Variants in PTPRC observed in about 807,000 individuals in gnomAD.
PTPRC encodes protein tyrosine phosphatase receptor type C, also known as receptor-type tyrosine-protein phosphatase C.
In PTPRC, 44 loss-of-function variants were observed where a neutral mutation model predicts 155.9. That is an observed-to-expected ratio of 0.28 (90% CI 0.22 to 0.36). The LOEUF (loss-of-function observed/expected upper bound fraction) is 0.36, where lower values mean the gene tolerates loss of function less well. Among genes scored for constraint, PTPRC ranks in the 10% least tolerant of loss-of-function variants. PTPRC has a pLI of 1.00. For synonymous variants in PTPRC, 525 were observed against 533.1 expected (o/e 0.98, Z 0.21); for missense variants, 1,401 against 1,564.6 (o/e 0.90, Z 1.76).
rs1381478727 is a variant in PTPRC at position 198,656,651 on chromosome 1, TTG to T, written c.73+17312_73+17313del. 6.4e-4 allele frequency among the ~76,000 whole-genome samples: 55 copies of T among 85,414 alleles called. No homozygotes were observed. In the South Asian group the frequency reaches 7.0e-3, roughly 11 times the overall value. The allele number at this position is 85,414 out of a possible 152,430, so 56.0% of individuals were successfully genotyped here. On this transcript the variant is annotated intron_variant, in intron 2 of 32. Coordinates refer to ENST00000442510, the MANE Select transcript of PTPRC (RefSeq NM_002838.5). The stretch of plus-strand genomic sequence containing the variant: ...CACAGGGCTACTAGTTTTTTGTTTT[TTG>T]TTTTTTTTTTTTTTGTCATACATTA...
At chr1:198,703,899 C>T (rs547854917) in intron 7 of PTPRC, 1 of 174,310 alleles carries the variant, frequency 5.7e-6, no homozygotes, top group African/African-American at 2.4e-5. Context: ...TCTTAGCTTA[C>T]ACAAAGCACA....
At chr1:198,702,037 T>C (rs1427171535) in intron 5 of PTPRC, among the ~76,000 whole-genome samples, 5 of 152,236 alleles carry the variant, frequency 3.3e-5, no homozygotes, top group Non-Finnish European at 7.3e-5. Flanking sequence ...TCAGCACCAC[T>C]AAGACAGCAC....
chr1:198,674,051 C>A (rs1249192658), intron 2 of PTPRC, among the ~76,000 whole-genome samples: 1 of 152,098 alleles, frequency 6.6e-6, no homozygotes, highest in Non-Finnish European at 1.5e-5. Context: ...AAAAGTTTTC[C>A]AAACAAATTA....
At chr1:198,747,600 A>G (rs1281763698) in intron 26 of PTPRC, among the ~76,000 whole-genome samples, 1 of 151,878 alleles carries the variant, frequency 6.6e-6, no homozygotes, top group Non-Finnish European at 1.5e-5. Flanking sequence ...AAAGAAAACT[A>G]AAAGGATTTG....
intron 17 of PTPRC, among the ~76,000 whole-genome samples, chr1:198,731,346 T>C (rs1016259965): frequency 4.6e-5 from 7 of 152,102 alleles, no homozygotes; most frequent in African/African-American, 1.7e-4. Flanking sequence ...TGGTGATGTT[T>C]GGTCTGGGAT....
chr1:198,705,349 C>T (rs369202104), intron 8 of PTPRC, among the ~76,000 whole-genome samples: 18 of 152,130 alleles, frequency 1.2e-4, no homozygotes, highest in Non-Finnish European at 2.5e-4. Context: ...GAATCATTGC[C>T]TCCTTATGTT....
intron 2 of PTPRC, among the ~76,000 whole-genome samples, chr1:198,642,916 C>CT (rs765314952): frequency 2.8e-5 from 4 of 142,572 alleles, no homozygotes; most frequent in Non-Finnish European, 4.6e-5. Flanking sequence ...TCCTTTCTTT[C>CT]TTTCTTTCTT....
At chr1:198,650,144 T>C (rs1418975924) in intron 2 of PTPRC, among the ~76,000 whole-genome samples, 2 of 151,782 alleles carry the variant, frequency 1.3e-5, no homozygotes, top group African/African-American at 4.8e-5. Flanking sequence ...GAGTAAGAAC[T>C]GAGCAGGTTG....
intron 2 of PTPRC, among the ~76,000 whole-genome samples, chr1:198,655,699 C>T (rs1320119373): frequency 2.0e-5 from 3 of 151,976 alleles, no homozygotes; most frequent in South Asian, 2.1e-4. Context: ...AGTTGGAGAA[C>T]TGAGATGACC....
At chr1:198,730,538 T>C (rs968599119) in intron 17 of PTPRC, among the ~76,000 whole-genome samples, 3 of 152,148 alleles carry the variant, frequency 2.0e-5, no homozygotes, top group Non-Finnish European at 4.4e-5. Flanking sequence ...TTCATTTTGA[T>C]AGGCTGAGGG....
At chr1:198,659,509 T>C (rs1340754766) in intron 2 of PTPRC, among the ~76,000 whole-genome samples, 1 of 151,926 alleles carries the variant, frequency 6.6e-6, no homozygotes, top group Non-Finnish European at 1.5e-5. Flanking sequence ...GTGTGTTTAA[T>C]GACCAAACCA....
At chr1:198,752,149 A>AAAG in intron 29 of PTPRC, 100 bp from the exon 30 acceptor site, 1 of 1,338,622 alleles carries the variant, frequency 7.5e-7, no homozygotes, top group Non-Finnish European at 1.1e-6. Context: ...ATTTAATAGA[A>AAAG]AAGAGGCACA....
intron 28 of PTPRC, 30 bp from the exon 29 acceptor site, chr1:198,750,462 C>A: frequency 1.9e-6 from 3 of 1,604,934 alleles, no homozygotes; most frequent in Middle Eastern, 1.7e-4. Flanking sequence ...TCTGTAGTAA[C>A]GAAGTCCCAC....
chr1:198,688,511 T>C (rs190989644), intron 2 of PTPRC, among the ~76,000 whole-genome samples: 1 of 152,294 alleles, frequency 6.6e-6, no homozygotes, highest in African/African-American at 2.4e-5. Flanking sequence ...TTGATATTAG[T>C]GTAGTTTGGT....
chr1:198,660,900 C>T (rs919643848), intron 2 of PTPRC, among the ~76,000 whole-genome samples: 7 of 152,132 alleles, frequency 4.6e-5, no homozygotes, highest in Non-Finnish European at 8.8e-5. Flanking sequence ...AACTTTCACA[C>T]CAGGCTTATG....
chr1:198,641,546 C>T (rs1662583099), intron 2 of PTPRC, among the ~76,000 whole-genome samples: 1 of 152,032 alleles, frequency 6.6e-6, no homozygotes, highest in Non-Finnish European at 1.5e-5. Context: ...TTAATCTTTG[C>T]CACGGCAACA....
chr1:198,748,025 C>A, intron 26 of PTPRC, 84 bp from the exon 27 acceptor site: 1 of 1,506,244 alleles, frequency 6.6e-7, no homozygotes, highest in Non-Finnish European at 8.9e-7. Context: ...TAATGAAATG[C>A]TTTTCCTTAG....
intron 2 of PTPRC, chr1:198,679,978 T>C: frequency 1.6e-6 from 1 of 622,688 alleles, no homozygotes; most frequent in South Asian, 1.7e-5. Flanking sequence ...CAGCGAGTGC[T>C]GCGGCTGCCC....
intron 2 of PTPRC, among the ~76,000 whole-genome samples, chr1:198,671,814 A>C (rs1408892250): frequency 6.6e-6 from 1 of 152,148 alleles, no homozygotes; most frequent in Admixed American, 6.5e-5. Flanking sequence ...CCCTTAACTC[A>C]GCATTGACTG....
Sources: gnomAD v4.1 joint callset for allele counts (sites outside exome capture counted in the v4.1 genomes callset) on GRCh38, gnomAD v4.1.1 for gene constraint, MANE v1.5 for transcripts, NCBI Gene and HGNC (gene_info 2026-07-23, HGNC 2026-07-21) for gene names.